Variants in FMN1 observed in about 807,000 individuals in gnomAD.
FMN1 encodes formin 1.
A neutral mutation model predicts 132.4 loss-of-function variants in FMN1; 110 were observed. The ratio of observed to expected loss-of-function variants is 0.83; its 90% CI spans 0.71 to 0.97. FMN1 has a LOEUF of 0.97. Ranked by LOEUF, FMN1 falls within the 50% of genes least tolerant of loss-of-function variation. FMN1 has a pLI of 0.00. For missense variants in FMN1, 1,792 were observed against 1,705.3 expected, an observed-to-expected ratio of 1.05 and a Z score of -0.90; for synonymous variants, 722 against 651.7, an observed-to-expected ratio of 1.11 and a Z score of -1.64.
At chr15:33,025,377 A>C (rs2035618348) in intron 6 of FMN1, among the ~76,000 whole-genome samples, 1 of 152,188 alleles carries the variant, frequency 6.6e-6, no homozygotes, top group Non-Finnish European at 1.5e-5. Context: ...TATCTTTTTC[A>C]GGAACATATA....
chr15:32,796,737 A>C (rs184951422), intron 19 of FMN1, among the ~76,000 whole-genome samples: 81 of 152,376 alleles, frequency 5.3e-4, no homozygotes, highest in Admixed American at 4.2e-3. Flanking sequence ...TTAGGATTTT[A>C]AGAAAACCCT....
intron 4 of FMN1, among the ~76,000 whole-genome samples, chr15:33,140,147 CAAAT>C (rs1030792900): frequency 2.7e-5 from 4 of 150,494 alleles, no homozygotes; most frequent in African/African-American, 9.8e-5. Flanking sequence ...ACAACAAAGA[CAAAT>C]AAAATTTATT....
At chr15:32,811,604 C>A (rs1013310463) in intron 17 of FMN1, among the ~76,000 whole-genome samples, 1 of 151,124 alleles carries the variant, frequency 6.6e-6, no homozygotes, top group African/African-American at 2.4e-5. Context: ...GGCTGATGTG[C>A]TATCCTGGAT....
chr15:33,061,909 A>G (rs1595380491), intron 6 of FMN1, among the ~76,000 whole-genome samples: 1 of 152,184 alleles, frequency 6.6e-6, no homozygotes, highest in African/African-American at 2.4e-5. Context: ...GAAAAAAAGT[A>G]GAAAGAAACC....
intron 6 of FMN1, among the ~76,000 whole-genome samples, chr15:33,033,593 C>T (rs150807044): frequency 0.016 from 2,366 of 152,024 alleles, 50 homozygotes; most frequent in South Asian, 0.089. Context: ...ACAAAAATGT[C>T]TTTATTTTTT....
At chr15:33,005,271 C>T (rs1050507136) in intron 7 of FMN1, among the ~76,000 whole-genome samples, 2 of 151,470 alleles carry the variant, frequency 1.3e-5, no homozygotes, top group Non-Finnish European at 2.9e-5. Flanking sequence ...CCATGGTGGC[C>T]ATGGCTTTAG....
chr15:33,086,272 A>AT, intron 5 of FMN1, among the ~76,000 whole-genome samples: 1 of 150,492 alleles, frequency 6.6e-6, no homozygotes, highest in South Asian at 2.1e-4. Flanking sequence ...AAAAAAAAAA[A>AT]GCAAAAACAA....
At chr15:33,080,166 AGG>A (rs1169032482) in intron 5 of FMN1, among the ~76,000 whole-genome samples, 1 of 152,212 alleles carries the variant, frequency 6.6e-6, no homozygotes, top group Non-Finnish European at 1.5e-5. Flanking sequence ...TGTAGCTTTA[AGG>A]GGTAGACTCT....
At chr15:33,074,672 G>A (rs1372309271) in intron 5 of FMN1, among the ~76,000 whole-genome samples, 1 of 152,104 alleles carries the variant, frequency 6.6e-6, no homozygotes, top group East Asian at 1.9e-4. Context: ...GACAGCAGTG[G>A]GTATGTAATC....
intron 2 of FMN1, among the ~76,000 whole-genome samples, chr15:33,189,302 A>C (rs1363007655): frequency 6.6e-6 from 1 of 152,208 alleles, no homozygotes; most frequent in Admixed American, 6.5e-5. Context: ...ACATTGGCAA[A>C]CAAGGACAGG....
At chr15:32,933,812 G>T (rs1000288102) in intron 9 of FMN1, among the ~76,000 whole-genome samples, 8 of 151,848 alleles carry the variant, frequency 5.3e-5, no homozygotes, top group Non-Finnish European at 8.8e-5. Flanking sequence ...TCAGTTGTTG[G>T]TTTTTTTAAA....
At chr15:32,809,532 C>G (rs554827714) in intron 17 of FMN1, among the ~76,000 whole-genome samples, 22 of 152,318 alleles carry the variant, frequency 1.4e-4, no homozygotes, top group Non-Finnish European at 2.6e-4. Context: ...GGACTCATGG[C>G]TGGTCTCTGG....
chr15:33,170,555 TAA>T (rs199549365), intron 3 of FMN1, among the ~76,000 whole-genome samples: 2,663 of 129,092 alleles, frequency 0.021, 76 homozygotes, highest in African/African-American at 0.067. Context: ...AACTCAACAA[TAA>T]AAAAAAAAAA....
chr15:33,090,522 C>CA lies in FMN1; in HGVS notation c.1868-1549dup, dbSNP rs553786861. On this transcript the variant is annotated intron_variant, in intron 4 of 20. Transcript: ENST00000616417. ...AGGCTGTCCACAAAACACCTTTCTGCAACCACTGAGAAAAATGAGAGTCCA... is the reference window on the plus strand; with the variant it reads ...AGGCTGTCCACAAAACACCTTTCTGCAAACCACTGAGAAAAATGAGAGTCCA... Among the ~76,000 whole-genome samples the CA allele has an allele frequency of 1.4e-3, 214 of 152,228 alleles. 1 individual carries two copies. The highest frequency in any genetic ancestry group is 1.5e-3 in the South Asian group (7 of 4,808).
chr15:32,772,305 G>A lies in FMN1; in HGVS notation c.*2005C>T, dbSNP rs958405132. On this transcript the variant is annotated 3_prime_UTR_variant, in exon 21 of 21. Coordinates refer to ENST00000616417, the MANE Select transcript of FMN1 (RefSeq NM_001277313.2). ...GCAATGAGTACACCTCAAACCTCCC[G>A]CTGCTCTCACCATCAAGCCTATAAG... 1.3e-5 allele frequency: 2 copies of A among 152,122 alleles called. No homozygotes were observed. Among genetic ancestry groups the A allele is most frequent in the African/African-American group, 4.8e-5 (2 of 41,412 alleles). The allele number at this position is 152,122 out of a possible 1,614,324, so 9.4% of individuals were successfully genotyped here. A position where few individuals can be genotyped will look rare whatever the true frequency, so the allele number is the denominator to read the frequency against.
chr15:32,867,527 G>A (rs748736787), intron 16 of FMN1, among the ~76,000 whole-genome samples: 28 of 150,544 alleles, frequency 1.9e-4, no homozygotes, highest in Non-Finnish European at 4.1e-4. Flanking sequence ...TTTTTGAGAC[G>A]GAGTCTCGCT....
At chr15:33,092,533 C>T (rs1474048657) in intron 4 of FMN1, among the ~76,000 whole-genome samples, 1 of 152,184 alleles carries the variant, frequency 6.6e-6, no homozygotes, top group Non-Finnish European at 1.5e-5. Context: ...CCCTGTGCTT[C>T]TGCCCTCACC....
intron 9 of FMN1, among the ~76,000 whole-genome samples, chr15:32,936,369 C>T (rs566927092): frequency 5.9e-5 from 9 of 152,318 alleles, no homozygotes; most frequent in Non-Finnish European, 1.3e-4. Context: ...CTTTGCCAAT[C>T]AGCCCAGCTA....
At chr15:32,803,230 TCCTACCTCTA>T (rs2057540299) in intron 18 of FMN1, among the ~76,000 whole-genome samples, 1 of 152,230 alleles carries the variant, frequency 6.6e-6, no homozygotes, top group African/African-American at 2.4e-5. Flanking sequence ...AGATGCTGTC[TCCTACCTCTA>T]CCTGTCATCT....
Sources: allele counts gnomAD v4.1 joint callset (sites outside exome capture counted in the v4.1 genomes callset), GRCh38; gene constraint gnomAD v4.1.1; transcripts MANE v1.5; gene names NCBI Gene and HGNC (gene_info 2026-07-23, HGNC 2026-07-21).